ARHGAP40: variants seen among roughly 807,000 people sequenced by gnomAD.
The protein encoded by ARHGAP40 is Rho GTPase activating protein 40.
In ARHGAP40, 43 loss-of-function variants were observed where a neutral mutation model predicts 73.5. The observed-to-expected ratio is 0.58, with a 90% confidence interval of 0.46 to 0.75. The LOEUF is 0.75. Ranked by LOEUF, ARHGAP40 falls within the 30% of genes least tolerant of loss-of-function variation. ARHGAP40 has a pLI of 0.00. For missense variants in ARHGAP40, 734 were observed against 861.8 expected (o/e 0.85, Z 1.86); for synonymous variants, 300 against 352.8 (o/e 0.85, Z 1.68).
intron 1 of ARHGAP40, 103 bp from the exon 2 acceptor site, chr20:38,623,256 C>T (rs2088882337): frequency 1.1e-6 from 1 of 939,010 alleles, no homozygotes; most frequent in African/African-American, 1.8e-5. Flanking sequence ...TTGCTTAGCC[C>T]CCAGGGGCCC....
At chr20:38,616,064 G>T (rs764959575) in intron 1 of ARHGAP40, among the ~76,000 whole-genome samples, 1 of 152,110 alleles carries the variant, frequency 6.6e-6, no homozygotes, top group Non-Finnish European at 1.5e-5. Context: ...TGTTGATAGC[G>T]GTGTGAGAGG....
At chr20:38,634,471 T>C in intron 5 of ARHGAP40, 149 bp from the exon 6 acceptor site, 1 of 526,314 alleles carries the variant, frequency 1.9e-6, no homozygotes, top group Non-Finnish European at 3.2e-6. Context: ...AGCTTGGACT[T>C]GACTTGAGGA....
At chr20:38,628,721 C>T (rs2088918552) in intron 3 of ARHGAP40, among the ~76,000 whole-genome samples, 2 of 152,214 alleles carry the variant, frequency 1.3e-5, no homozygotes. Flanking sequence ...ATTAAAACCA[C>T]AGGCTTTGGA....
intron 3 of ARHGAP40, among the ~76,000 whole-genome samples, chr20:38,628,697 G>A (rs1312813574): frequency 2.0e-5 from 3 of 152,206 alleles, no homozygotes; most frequent in East Asian, 3.9e-4. Context: ...CACCTCTGAA[G>A]TGGCATAGCA....
chr20:38,633,657 T>C (rs914600558), intron 5 of ARHGAP40, among the ~76,000 whole-genome samples: 4 of 152,218 alleles, frequency 2.6e-5, no homozygotes, highest in Non-Finnish European at 5.9e-5. Flanking sequence ...TCAATTACTA[T>C]TTCTTTCCCT....
intron 1 of ARHGAP40, among the ~76,000 whole-genome samples, chr20:38,608,458 G>A (rs2088785654): frequency 1.3e-5 from 2 of 152,078 alleles, no homozygotes; most frequent in South Asian, 4.1e-4. Flanking sequence ...TCGTTGGTCG[G>A]AAGGCAGCCT....
intron 1 of ARHGAP40, among the ~76,000 whole-genome samples, chr20:38,616,953 T>G (rs898087896): frequency 3.1e-4 from 47 of 152,090 alleles, no homozygotes; most frequent in African/African-American, 1.0e-3. Context: ...ATTTATTTAT[T>G]TATTTATTTT....
At chr20:38,635,533 C>T (rs985772603) in intron 6 of ARHGAP40, among the ~76,000 whole-genome samples, 2 of 152,016 alleles carry the variant, frequency 1.3e-5, no homozygotes, top group Non-Finnish European at 2.9e-5. Flanking sequence ...CGTGCTGGTG[C>T]ACACCTCTAG....
At chr20:38,630,820 A>G (rs1269116365) in intron 5 of ARHGAP40, among the ~76,000 whole-genome samples, 1 of 152,112 alleles carries the variant, frequency 6.6e-6, no homozygotes, top group Non-Finnish European at 1.5e-5. Context: ...CAGAATAACC[A>G]CTATTCTGAC....
chr20:38,602,109 T>G (rs1443020872), intron 1 of ARHGAP40, 30 bp downstream of exon 1: 5 of 1,265,434 alleles, frequency 4.0e-6, no homozygotes, highest in Non-Finnish European at 5.1e-6. Flanking sequence ...GGGAGGGAAG[T>G]TGGCCCTACT....
At chr20:38,650,511 C>T (rs569988844) in exon 15 of ARHGAP40, 1 of 468,734 alleles carries the variant, frequency 2.1e-6, no homozygotes, top group African/African-American at 2.0e-5. Flanking sequence ...ATGACCAGCC[C>T]CGGGAGAAAT....
At chr20:38,615,447 A>C (rs764906068) in intron 1 of ARHGAP40, 44 of 707,752 alleles carry the variant, frequency 6.2e-5, no homozygotes, top group Middle Eastern at 4.8e-4. Flanking sequence ...GCTCCTTCTC[A>C]GCCAGGAACT....
intron 11 of ARHGAP40, among the ~76,000 whole-genome samples, chr20:38,644,939 C>T (rs1453376785): frequency 6.6e-6 from 1 of 152,158 alleles, no homozygotes; most frequent in Admixed American, 6.5e-5. Flanking sequence ...TCTATCCCTT[C>T]CTTCTTCCAT....
In ARHGAP40 at chr20:38,627,169, C is replaced by T; in HGVS notation, c.512C>T (p.Thr171Ile). 2.3e-6 allele frequency: 3 copies of T among 1,305,482 alleles called. No homozygotes were observed. The South Asian group carries it at 3.7e-5, about 16-fold the overall frequency. 80.9% of individuals were successfully genotyped at this position (1,305,482 alleles called of 1,614,324 possible). ...CGCTCAGTGCGAAGACAACACAAGACACCTGTCAGAGATGTCAGGGATGTC... is the reference window on the plus strand; with the variant it reads ...CGCTCAGTGCGAAGACAACACAAGATACCTGTCAGAGATGTCAGGGATGTC... The change falls in exon 3 of 15, where the codon ACA (threonine) becomes ATA (isoleucine). Residue 171 changes from threonine (T) to isoleucine (I), a missense_variant. By Grantham distance (89) the Thr-to-Ile change is moderately conservative. Coordinates refer to ENST00000373345, the Ensembl canonical transcript of ARHGAP40.
intron 5 of ARHGAP40, among the ~76,000 whole-genome samples, chr20:38,633,481 A>C (rs1226827684): frequency 6.6e-6 from 1 of 152,200 alleles, no homozygotes; most frequent in Non-Finnish European, 1.5e-5. Context: ...TATTGAATTT[A>C]ATCCCACCAA....
chr20:38,607,950 G>A (rs763816805), intron 1 of ARHGAP40, among the ~76,000 whole-genome samples: 1 of 151,846 alleles, frequency 6.6e-6, no homozygotes, highest in Admixed American at 6.6e-5. Context: ...TTTTCTTGTT[G>A]CTTTCCAGGA....
Position 38,626,615 on chromosome 20 carries a change from C to T in ARHGAP40, c.338-380C>T, listed in dbSNP as rs114231564. Among the ~76,000 whole-genome samples, 594 of 152,322 alleles carry T rather than the reference C, an allele frequency of 3.9e-3. 5 individuals carry two copies. Among genetic ancestry groups the T allele is most frequent in the African/African-American group, 0.014 (569 of 41,576 alleles). ...ACATCAACACCCAGCACCAACTTCCCAAGGGGACACCATGTGACCCTGTAG... is the reference window on the plus strand; with the variant it reads ...ACATCAACACCCAGCACCAACTTCCTAAGGGGACACCATGTGACCCTGTAG... On this transcript the variant is annotated intron_variant, in intron 2 of 14. Coordinates refer to ENST00000373345, the Ensembl canonical transcript of ARHGAP40.
At chr20:38,632,357 G>C (rs192822044) in intron 5 of ARHGAP40, among the ~76,000 whole-genome samples, 1,766 of 152,104 alleles carry the variant, frequency 0.012, 29 homozygotes, top group African/African-American at 0.039. Context: ...CCGCCCCCTG[G>C]GTTCATGCCA....
At chr20:38,643,358 C>T (rs1286630564) in intron 10 of ARHGAP40, among the ~76,000 whole-genome samples, 1 of 152,220 alleles carries the variant, frequency 6.6e-6, no homozygotes, top group Non-Finnish European at 1.5e-5. Flanking sequence ...TAGACCCAGA[C>T]TCCAGAAAGA....
Sources: allele counts gnomAD v4.1 joint callset (sites outside exome capture counted in the v4.1 genomes callset), GRCh38; gene constraint gnomAD v4.1.1; transcripts MANE v1.5; gene names NCBI Gene and HGNC (gene_info 2026-07-23, HGNC 2026-07-21).